Variants in DMXL1 observed in about 807,000 individuals in gnomAD.
The protein encoded by DMXL1 is dmX-like protein 1.
In DMXL1, 99 loss-of-function variants were observed where a neutral mutation model predicts 319.2. The ratio of observed to expected loss-of-function variants is 0.31; its 90% CI spans 0.26 to 0.37. The LOEUF (loss-of-function observed/expected upper bound fraction) is 0.37. DMXL1 is among the 10% of genes least tolerant of loss of function. The pLI is 1.00. For missense variants in DMXL1, 3,745 were observed against 3,595.6 expected (o/e 1.04, Z -1.06); for synonymous variants, 1,385 against 1,235.2 (o/e 1.12, Z -2.54).
In DMXL1 at chr5:119,118,869, T is replaced by C; in HGVS notation, c.798T>C (p.Leu266=). 2 of 1,613,968 alleles carry C rather than the reference T, an allele frequency of 1.2e-6. No homozygotes were observed. The highest frequency in any genetic ancestry group is 1.7e-6 in the Non-Finnish European group (2 of 1,179,926). Residue 266 remains leucine (L), a synonymous_variant, in exon 8 of 44, where the codon CTT becomes CTC. Coordinates refer to ENST00000539542, the MANE Select transcript of DMXL1 (RefSeq NM_001290321.3). ...GCTGCAAAGATAATGTGTGTCGTCT[T>C]TGGGTAGAGACATTTTTACCAAATG... ...LTCCKDNVCR[L]WVETFLPNDC... is the part of the protein sequence containing the mutation.
intron 31 of DMXL1, 71 bp from the exon 32 acceptor site, chr5:119,197,684 T>G: frequency 7.2e-7 from 1 of 1,391,182 alleles, no homozygotes; most frequent in Non-Finnish European, 1.0e-6. Context: ...CTCTCTCATT[T>G]CAGTCTTTCT....
At chr5:119,186,693 G>C (rs1331927226) in intron 28 of DMXL1, among the ~76,000 whole-genome samples, 1 of 152,156 alleles carries the variant, frequency 6.6e-6, no homozygotes, top group Non-Finnish European at 1.5e-5. Flanking sequence ...TTATTCCTCT[G>C]CTCCTCCCCT....
chr5:119,236,556 A>G (rs1787795420), intron 39 of DMXL1: 1 of 152,040 alleles, frequency 6.6e-6, no homozygotes, highest in Admixed American at 6.6e-5. Context: ...TAAATAAAAA[A>G]TGTAATTGTG....
intron 8 of DMXL1, among the ~76,000 whole-genome samples, chr5:119,119,989 T>A (rs1419400848): frequency 6.6e-6 from 1 of 151,394 alleles, no homozygotes; most frequent in South Asian, 2.1e-4. Flanking sequence ...CAAGCAGTAG[T>A]CCCTCCTCAG....
At chr5:119,198,028 A>G in intron 32 of DMXL1, 72 bp downstream of exon 32, 9 of 1,479,580 alleles carry the variant, frequency 6.1e-6, no homozygotes, top group South Asian at 2.3e-5. Flanking sequence ...TCGCTCTGTC[A>G]TCCGGGCTGG....
In DMXL1 at chr5:119,148,954, C is replaced by G; in HGVS notation, c.3127C>G (p.Pro1043Ala). ...GLQSNSSITV[P>A]GRPVEVSCAH... Reference sequence around the variant, plus strand: ...TCAGAGCAATAGTAGTATAACTGTACCTGGTAGGCCTGTAGAAGTTAGCTG... The same window carrying G: ...TCAGAGCAATAGTAGTATAACTGTAGCTGGTAGGCCTGTAGAAGTTAGCTG... Residue 1043 changes from proline to alanine, a missense_variant, in exon 18 of 44, where the codon CCT (proline) becomes GCT (alanine). Coordinates refer to ENST00000539542, the MANE Select transcript of DMXL1 (RefSeq NM_001290321.3). 6.2e-7 allele frequency: 1 copy of G among 1,613,872 alleles called. No homozygotes were observed. The highest frequency in any genetic ancestry group is 1.1e-5 in the South Asian group (1 of 91,080).
chr5:119,223,708 T>C (rs985236432), intron 37 of DMXL1, among the ~76,000 whole-genome samples: 4 of 152,196 alleles, frequency 2.6e-5, no homozygotes, highest in Admixed American at 6.5e-5. Flanking sequence ...TTACATATTT[T>C]ACATATGCTT....
At chr5:119,166,475 G>C in intron 21 of DMXL1, 141 bp from the exon 22 acceptor site, 1 of 645,798 alleles carries the variant, frequency 1.5e-6, no homozygotes, top group Non-Finnish European at 2.6e-6. Context: ...TTTTTACTGG[G>C]AAAAGAAGCA....
chr5:119,079,361 G>A (rs1351668522), intron 1 of DMXL1, among the ~76,000 whole-genome samples: 2 of 152,146 alleles, frequency 1.3e-5, no homozygotes, highest in Non-Finnish European at 2.9e-5. Context: ...TCTTGGTGCC[G>A]TGGATCTTAT....
intron 21 of DMXL1, among the ~76,000 whole-genome samples, chr5:119,165,683 A>T (rs1773283821): frequency 6.6e-6 from 1 of 152,240 alleles, no homozygotes; most frequent in Admixed American, 6.5e-5. Context: ...TCATGGCACA[A>T]GGTGAAAGGC....
rs555070176 is a variant in DMXL1, at chr5:119,162,028, G to A, written c.4703-2479G>A. Among the ~76,000 whole-genome samples, 99 of 152,294 alleles carry A rather than the reference G, an allele frequency of 6.5e-4. 1 individual carries two copies. The highest frequency in any genetic ancestry group is 2.0e-3 in the Admixed American group (31 of 15,296). ...TTGTTTCCCTTGAGGTGAGACCAGC[G>A]TGAGCTTCCTGGGAAACATTTTAGA... On this transcript the variant is annotated intron_variant, in intron 19 of 43. Coordinates refer to ENST00000539542, the MANE Select transcript of DMXL1 (RefSeq NM_001290321.3).
chr5:119,131,818 G>T (rs1294352720), intron 10 of DMXL1, among the ~76,000 whole-genome samples: 1 of 152,104 alleles, frequency 6.6e-6, no homozygotes, highest in Non-Finnish European at 1.5e-5. Flanking sequence ...TTTTAATGCA[G>T]AGCCCATTTC....
intron 10 of DMXL1, among the ~76,000 whole-genome samples, chr5:119,131,271 A>T (rs1459152964): frequency 6.6e-6 from 1 of 152,014 alleles, no homozygotes; most frequent in Non-Finnish European, 1.5e-5. Context: ...GCTAACCAGG[A>T]ATTGGGGGAG....
At position 119,118,760 on chromosome 5, in the gene DMXL1, CTGTGATACTA is replaced by C. The variant is rs535815460; in HGVS notation, c.744-49_744-40del. ...TAATTACAGAAACATCGTAGAATTT[CTGTGATACTA>C]TGTGAAATTTGTATTTTTGCTTCTA... On this transcript the variant is annotated intron_variant, in intron 7 of 43. Transcript: ENST00000539542. The C allele has an allele frequency of 1.1e-4, 147 of 1,352,392 alleles. No homozygotes were observed. The African/African-American group carries it at 1.9e-3, about 18-fold the overall frequency. 83.8% of individuals were successfully genotyped at this position (1,352,392 alleles called of 1,614,324 possible).
chr5:119,191,182 G>A (rs767826915), intron 29 of DMXL1, among the ~76,000 whole-genome samples: 6 of 152,112 alleles, frequency 3.9e-5, no homozygotes, highest in East Asian at 1.9e-4. Context: ...TTATGCGTGC[G>A]TGGTCATTTT....
intron 1 of DMXL1, among the ~76,000 whole-genome samples, chr5:119,084,128 CT>C (rs544079959): frequency 1.0e-4 from 15 of 147,808 alleles, no homozygotes; most frequent in South Asian, 6.4e-4. Context: ...CCCCTCACCC[CT>C]TTTTTTTTTA....
At chr5:119,142,095 A>G (rs1174481778) in intron 13 of DMXL1, among the ~76,000 whole-genome samples, 1 of 152,118 alleles carries the variant, frequency 6.6e-6, no homozygotes, top group Admixed American at 6.6e-5. Context: ...TCCTTACATC[A>G]TATACAGAAA....
At chr5:119,238,381 T>C (rs567004827) in intron 40 of DMXL1, among the ~76,000 whole-genome samples, 72 of 152,260 alleles carry the variant, frequency 4.7e-4, no homozygotes, top group Admixed American at 1.6e-3. Flanking sequence ...TTTTGAAGCT[T>C]TTATAAATGA....
chr5:119,155,128 G>A lies in DMXL1; in HGVS notation c.4702+3092G>A, dbSNP rs148295932. Reference sequence around the variant, plus strand: ...TGTTCACGCAAGAGCTCTGATGCAGGTGTACAAGGAGATTAATATAGTTTT... The same window carrying A: ...TGTTCACGCAAGAGCTCTGATGCAGATGTACAAGGAGATTAATATAGTTTT... On this transcript the variant is annotated intron_variant, in intron 19 of 43. Coordinates refer to ENST00000539542, the MANE Select transcript of DMXL1 (RefSeq NM_001290321.3). Among the ~76,000 whole-genome samples the A allele has an allele frequency of 4.2e-4, 64 of 152,290 alleles. 1 individual carries two copies. The East Asian group carries it at 0.011, about 26-fold the overall frequency.
Sources: gnomAD v4.1 joint callset for allele counts (sites outside exome capture counted in the v4.1 genomes callset) on GRCh38, gnomAD v4.1.1 for gene constraint, MANE v1.5 for transcripts, NCBI Gene and HGNC (gene_info 2026-07-23, HGNC 2026-07-21) for gene names.